CNTN6: variants seen among roughly 807,000 people sequenced by gnomAD.
The protein encoded by CNTN6 is contactin 6, also known as contactin-6.
Under a neutral mutation model 122.8 loss-of-function variants are expected in CNTN6, and 137 were observed. That is an observed-to-expected ratio of 1.12 (90% CI 0.97 to 1.29). The LOEUF is 1.29. CNTN6 is among the 50% of genes most tolerant of loss of function. CNTN6 has a pLI of 0.00. For missense variants in CNTN6, 1,634 were observed against 1,223.4 expected (o/e 1.34, Z -5.01); for synonymous variants, 570 against 426.0 (o/e 1.34, Z -4.16).
At chr3:1,255,781 T>C (rs2094747896) in intron 4 of CNTN6, among the ~76,000 whole-genome samples, 1 of 152,114 alleles carries the variant, frequency 6.6e-6, no homozygotes, top group South Asian at 2.1e-4. Flanking sequence ...CAAGCAATCG[T>C]TTTGCTTCAG....
rs563972413 is a variant in CNTN6, at chr3:1,158,973, T to C, written c.55+10910T>C. On this transcript the variant is annotated intron_variant, in intron 2 of 22. Transcript: ENST00000446702. ...ATATATACACACACACACACACATA[T>C]ATATATATATAGACAAGGTCTTGCT... Among the ~76,000 whole-genome samples the C allele has an allele frequency of 4.2e-3, 588 of 139,800 alleles. 49 individuals are homozygous for C. The highest frequency in any genetic ancestry group is 0.015 in the African/African-American group (551 of 35,620). 91.7% of individuals were successfully genotyped at this position (139,800 alleles called of 152,430 possible). A position where few individuals can be genotyped will look rare whatever the true frequency, so the allele number is the denominator to read the frequency against.
At chr3:1,125,614 T>C (rs1373107979) in intron 1 of CNTN6, among the ~76,000 whole-genome samples, 1 of 151,810 alleles carries the variant, frequency 6.6e-6, no homozygotes, top group East Asian at 1.9e-4. Context: ...AACTAGTTCT[T>C]GCTTATTGCC....
chr3:1,257,479 C>G (rs548326898), intron 4 of CNTN6, among the ~76,000 whole-genome samples: 1 of 152,028 alleles, frequency 6.6e-6, no homozygotes, highest in South Asian at 2.1e-4. Flanking sequence ...TTAATTCCTT[C>G]GAGGCCTTCG....
At chr3:1,346,735 G>GAA (rs1289995134) in intron 11 of CNTN6, among the ~76,000 whole-genome samples, 1 of 152,054 alleles carries the variant, frequency 6.6e-6, no homozygotes, top group Non-Finnish European at 1.5e-5. Flanking sequence ...TAAGACACCG[G>GAA]AAAAACGAGG....
At chr3:1,211,732 G>A (rs1281112136) in intron 2 of CNTN6, among the ~76,000 whole-genome samples, 6 of 151,830 alleles carry the variant, frequency 4.0e-5, no homozygotes, top group South Asian at 2.1e-4. Flanking sequence ...TTTTATGGAC[G>A]ATGGATATTA....
chr3:1,275,480 C>A (rs914474602), intron 4 of CNTN6, among the ~76,000 whole-genome samples: 2 of 152,212 alleles, frequency 1.3e-5, no homozygotes, highest in Non-Finnish European at 2.9e-5. Flanking sequence ...CTGTGGTTCT[C>A]TACCTCTAAA....
chr3:1,178,350 T>C (rs907022101), intron 2 of CNTN6, among the ~76,000 whole-genome samples: 1 of 152,182 alleles, frequency 6.6e-6, no homozygotes, highest in Non-Finnish European at 1.5e-5. Flanking sequence ...ATCTTTCCTT[T>C]GATATGTCAA....
Position 1,256,551 on chromosome 3 carries a change from A to G in CNTN6, c.359-21862A>G, listed in dbSNP as rs1260154470. On this transcript the variant is annotated intron_variant, in intron 4 of 22. Transcript: ENST00000446702. ...TTGGATATAAGGGTCTGGATTGCCA[A>G]CAGAAAGTCTGTGCTAACCATATGA... is the stretch of plus-strand genomic sequence containing the variant. Among the ~76,000 whole-genome samples, 8 of 152,200 alleles carry G rather than the reference A, an allele frequency of 5.3e-5. No individual in the cohort carries two copies. In the East Asian group the frequency reaches 1.5e-3, roughly 29 times the overall value.
chr3:1,130,035 A>G (rs142687688), intron 1 of CNTN6, among the ~76,000 whole-genome samples: 1 of 152,102 alleles, frequency 6.6e-6, no homozygotes, highest in East Asian at 1.9e-4. Flanking sequence ...TTTTAGTGTG[A>G]TTTATCTATT....
chr3:1,239,899 AG>A (rs2094461678), intron 4 of CNTN6, among the ~76,000 whole-genome samples: 1 of 152,222 alleles, frequency 6.6e-6, no homozygotes, highest in Non-Finnish European at 1.5e-5. Context: ...TCCTCAACAA[AG>A]CAAACAAAAA....
At chr3:1,396,870 G>A (rs1695054549) in intron 20 of CNTN6, among the ~76,000 whole-genome samples, 1 of 152,154 alleles carries the variant, frequency 6.6e-6, no homozygotes, top group South Asian at 2.1e-4. Context: ...TCCTTGAGAT[G>A]ACATCAAGAT....
Position 1,254,217 on chromosome 3 carries a change from G to A in CNTN6, c.359-24196G>A, listed in dbSNP as rs535049908. Among the ~76,000 whole-genome samples the A allele has an allele frequency of 6.6e-5, 10 of 151,956 alleles. No homozygotes were observed. In the South Asian group the frequency reaches 8.3e-4, roughly 13 times the overall value. On this transcript the variant is annotated intron_variant, in intron 4 of 22. Transcript: ENST00000446702. ...TTTCCCTCCCTTCCCAGAAGTAACC[G>A]CTTTCCTGAAGTTGGTGATAATTTT...
intron 1 of CNTN6, among the ~76,000 whole-genome samples, chr3:1,125,698 T>C (rs2092135350): frequency 6.6e-6 from 1 of 151,572 alleles, no homozygotes. Flanking sequence ...CTTTATGGGC[T>C]AGAAGTGTTT....
chr3:1,220,940 T>G, intron 3 of CNTN6, 127 bp downstream of exon 3: 3 of 974,844 alleles, frequency 3.1e-6, no homozygotes, highest in Non-Finnish European at 4.3e-6. Context: ...TCTCTACGGG[T>G]ATGCAGCCAT....
At chr3:1,283,718 G>A (rs565106484) in intron 5 of CNTN6, among the ~76,000 whole-genome samples, 74 of 152,250 alleles carry the variant, frequency 4.9e-4, no homozygotes, top group Middle Eastern at 6.8e-3. Flanking sequence ...TGAAACTCTC[G>A]GCGGGGCTCA....
chr3:1,359,286 G>C (rs1220945402), intron 12 of CNTN6, among the ~76,000 whole-genome samples: 5 of 152,052 alleles, frequency 3.3e-5, no homozygotes, highest in Non-Finnish European at 7.4e-5. Context: ...TGTTTAAATA[G>C]ATGTCAGGCC....
rs1407172880 is a variant in CNTN6 at position 1,096,068 on chromosome 3, C to T, written c.-83+2948C>T. 2.0e-5 allele frequency among the ~76,000 whole-genome samples: 3 copies of T among 152,156 alleles called. No individual in the cohort carries two copies. The East Asian group carries it at 5.8e-4, about 29-fold the overall frequency. ...ATGTATTTCTTTTGCCTTAGACATG[C>T]AAGATACGTTATCTTTCTTGGATCA... On this transcript the variant is annotated intron_variant, in intron 1 of 22. Transcript: ENST00000446702.
intron 12 of CNTN6, among the ~76,000 whole-genome samples, chr3:1,367,781 G>T (rs1575893309): frequency 6.6e-6 from 1 of 152,106 alleles, no homozygotes; most frequent in African/African-American, 2.4e-5. Context: ...CAGAACCTGG[G>T]CCTCTTAAAG....
intron 9 of CNTN6, among the ~76,000 whole-genome samples, chr3:1,326,607 C>G (rs1202525561): frequency 6.6e-6 from 1 of 151,766 alleles, no homozygotes; most frequent in African/African-American, 2.4e-5. Flanking sequence ...TCTACAATAC[C>G]TAGAAAATGA....
Sources: gnomAD v4.1 joint callset for allele counts (sites outside exome capture counted in the v4.1 genomes callset) on GRCh38, gnomAD v4.1.1 for gene constraint, MANE v1.5 for transcripts, NCBI Gene and HGNC (gene_info 2026-07-23, HGNC 2026-07-21) for gene names.